Variants in ZDHHC2 observed in about 807,000 individuals in gnomAD.
The protein encoded by ZDHHC2 is palmitoyltransferase ZDHHC2.
ZDHHC2 carries 51 observed loss-of-function variants against 55.6 expected under a neutral mutation model. The observed-to-expected ratio is 0.92, with a 90% confidence interval of 0.73 to 1.16. The LOEUF (loss-of-function observed/expected upper bound fraction) is 1.16. Ranked by LOEUF, ZDHHC2 falls within the 50% of genes most tolerant of loss-of-function variation. The pLI, the probability that ZDHHC2 is intolerant of heterozygous loss-of-function variation, is 0.00. For missense variants in ZDHHC2, 491 were observed against 442.4 expected (o/e 1.11, Z -0.99); for synonymous variants, 199 against 152.9 (o/e 1.30, Z -2.22).
rs186718053 is a variant in ZDHHC2, at chr8:17,188,966, A to C, written c.252+2541A>C. 2.5e-4 allele frequency among the ~76,000 whole-genome samples: 38 copies of C among 152,110 alleles called. 1 individual carries two copies. The highest frequency in any genetic ancestry group is 6.2e-4 in the South Asian group (3 of 4,816). On this transcript the variant is annotated intron_variant, in intron 3 of 12. Transcript: ENST00000262096. ...CACATCTAGTCAATCAGAAAATTCT[A>C]TACCCTCACCCTCAGAGTATGGCCA...
chr8:17,172,840 T>A (rs1456587436), intron 1 of ZDHHC2, among the ~76,000 whole-genome samples: 1 of 152,190 alleles, frequency 6.6e-6, no homozygotes, highest in African/African-American at 2.4e-5. Flanking sequence ...CTCTTTCTAG[T>A]ATCACCATTT....
At chr8:17,178,597 C>T (rs183481483) in intron 1 of ZDHHC2, among the ~76,000 whole-genome samples, 1 of 152,284 alleles carries the variant, frequency 6.6e-6, no homozygotes, top group African/African-American at 2.4e-5. Flanking sequence ...ATACATGTTT[C>T]AATAAAACTT....
chr8:17,209,593 A>G (rs1408869424), intron 8 of ZDHHC2, among the ~76,000 whole-genome samples: 6 of 152,088 alleles, frequency 3.9e-5, no homozygotes, highest in African/African-American at 9.7e-5. Context: ...TTGTAGATCT[A>G]TGTTTATGGA....
At chr8:17,171,337 T>C (rs1804843770) in intron 1 of ZDHHC2, among the ~76,000 whole-genome samples, 1 of 152,144 alleles carries the variant, frequency 6.6e-6, no homozygotes, top group South Asian at 2.1e-4. Flanking sequence ...TAGGATTCCA[T>C]TGAGTAAGCT....
At chr8:17,191,781 G>A (rs1290799382) in intron 3 of ZDHHC2, among the ~76,000 whole-genome samples, 1 of 152,098 alleles carries the variant, frequency 6.6e-6, no homozygotes, top group African/African-American at 2.4e-5. Flanking sequence ...AATAAACATG[G>A]GAGTGCAGAT....
intron 6 of ZDHHC2, among the ~76,000 whole-genome samples, chr8:17,205,134 C>CT (rs1391790492): frequency 1.3e-5 from 2 of 152,224 alleles, no homozygotes; most frequent in Non-Finnish European, 2.9e-5. Flanking sequence ...ACCCAGCTGT[C>CT]TAACTGCCAG....
chr8:17,156,811 C>T lies in ZDHHC2; in HGVS notation c.88C>T (p.Leu30Phe). 2 of 1,522,272 alleles carry T rather than the reference C, an allele frequency of 1.3e-6. No homozygotes were observed. The highest frequency in any genetic ancestry group is 1.7e-4 in the Middle Eastern group (1 of 5,864). 94.3% of individuals were successfully genotyped at this position (1,522,272 alleles called of 1,614,324 possible). A position where few individuals can be genotyped will look rare whatever the true frequency, so the allele number is the denominator to read the frequency against. ...WIPVVFITLL[L>F]GWSYYAYAIQ... ...CCCGGTGGTGTTCATCACCCTCCTG[C>T]TCGGCTGGTCCTACTACGCCTACGC... The change falls in exon 1 of 13, where the codon CTC becomes TTC. Residue 30 changes from leucine (L) to phenylalanine (F), a missense_variant. Leu to Phe is a conservative substitution (Grantham distance 22). Coordinates refer to ENST00000262096, the MANE Select transcript of ZDHHC2 (RefSeq NM_016353.5).
Position 17,199,624 on chromosome 8 carries a change from CCT to C in ZDHHC2, c.476+1212_476+1213del, listed in dbSNP as rs1416959078. On this transcript the variant is annotated intron_variant, in intron 6 of 12. Transcript: ENST00000262096. ...TTTATTCTTTCTTCTTCTTCTTCTT[CCT>C]TTCTTCTTCTTCTCCTCCTCCTCCT... 5.6e-4 allele frequency among the ~76,000 whole-genome samples: 27 copies of C among 48,150 alleles called. 1 individual carries two copies. The highest frequency in any genetic ancestry group is 2.9e-3 in the South Asian group (4 of 1,388). The allele number at this position is 48,150 out of a possible 152,430, so 31.6% of individuals were successfully genotyped here.
intron 4 of ZDHHC2, 88 bp downstream of exon 4, chr8:17,195,712 G>A: frequency 1.3e-6 from 2 of 1,511,082 alleles, no homozygotes; most frequent in Admixed American, 1.9e-5. Flanking sequence ...TACTTGAAAT[G>A]GTAAAACACT....
At chr8:17,207,366 A>G (rs1012320991) in intron 7 of ZDHHC2, among the ~76,000 whole-genome samples, 9 of 152,196 alleles carry the variant, frequency 5.9e-5, no homozygotes, top group Admixed American at 3.3e-4. Flanking sequence ...GCCCATGGAT[A>G]TTAACATTTA....
chr8:17,186,545 TA>T (rs1054440585), intron 3 of ZDHHC2, 120 bp downstream of exon 3: 27 of 570,270 alleles, frequency 4.7e-5, no homozygotes, highest in Non-Finnish European at 6.9e-5. Flanking sequence ...CTTTTTAGAT[TA>T]AAAAAATTAG....
rs779508872 is a variant in ZDHHC2 at position 17,197,564 on chromosome 8, G to A, written c.374-18G>A. ...TTCAGTGTTAACTCTAAGACTAAGT[G>A]GAGCTTTTTGTCCCTAGCCATCCGA... On this transcript the variant is annotated intron_variant, in intron 4 of 12. Coordinates refer to ENST00000262096, the MANE Select transcript of ZDHHC2 (RefSeq NM_016353.5). 86 of 1,610,870 alleles carry A rather than the reference G, an allele frequency of 5.3e-5. No homozygotes were observed. The highest frequency in any genetic ancestry group is 4.4e-5 in the South Asian group (4 of 90,690).
intron 10 of ZDHHC2, among the ~76,000 whole-genome samples, chr8:17,213,284 C>T (rs1046747509): frequency 3.3e-5 from 5 of 151,114 alleles, no homozygotes. Flanking sequence ...GAGACAGTCT[C>T]ATTCTATCAC....
intron 6 of ZDHHC2, 53 bp downstream of exon 6, chr8:17,198,466 A>C (rs575731254): frequency 1.3e-6 from 2 of 1,500,316 alleles, no homozygotes; most frequent in Non-Finnish European, 1.8e-6. Context: ...ATGTTAATAA[A>C]TTAAATCACT....
intron 12 of ZDHHC2, among the ~76,000 whole-genome samples, chr8:17,217,730 C>T (rs1233317707): frequency 2.0e-5 from 3 of 152,054 alleles, no homozygotes; most frequent in Non-Finnish European, 4.4e-5. Flanking sequence ...CATAGTAGGG[C>T]CTTATAGCAT....
chr8:17,168,446 A>T (rs1219297140), intron 1 of ZDHHC2, among the ~76,000 whole-genome samples: 3 of 152,228 alleles, frequency 2.0e-5, no homozygotes, highest in Non-Finnish European at 4.4e-5. Flanking sequence ...TGGTTTGAGA[A>T]TAAGCCCTAG....
At position 17,184,826 on chromosome 8, in the gene ZDHHC2, T is replaced by C. The variant is rs747740946; in HGVS notation, c.157+11T>C. 61 of 1,544,128 alleles carry C rather than the reference T, an allele frequency of 4.0e-5. No individual in the cohort carries two copies. The highest frequency in any genetic ancestry group is 4.8e-5 in the Non-Finnish European group (55 of 1,143,340). The stretch of plus-strand genomic sequence containing the variant: ...ACACTGGCGAACAAGGTAAGCTAGA[T>C]TATATTAATGTTATAGATTTTTTAA... On this transcript the variant is annotated intron_variant, in intron 2 of 12. Coordinates refer to ENST00000262096, the MANE Select transcript of ZDHHC2 (RefSeq NM_016353.5).
intron 1 of ZDHHC2, among the ~76,000 whole-genome samples, chr8:17,182,932 C>G (rs2150904087): frequency 1.3e-5 from 2 of 152,184 alleles, no homozygotes; most frequent in African/African-American, 4.8e-5. Context: ...GATTAATTTT[C>G]TGTATTTTTA....
intron 1 of ZDHHC2, among the ~76,000 whole-genome samples, chr8:17,169,872 T>G (rs914549466): frequency 6.6e-6 from 1 of 152,168 alleles, no homozygotes; most frequent in South Asian, 2.1e-4. Context: ...TTTTTAGAAC[T>G]TCTCACTTAC....
Sources: gnomAD v4.1 joint callset for allele counts (sites outside exome capture counted in the v4.1 genomes callset) on GRCh38, gnomAD v4.1.1 for gene constraint, MANE v1.5 for transcripts, NCBI Gene and HGNC (gene_info 2026-07-23, HGNC 2026-07-21) for gene names.